Variants in ROR1 observed in about 807,000 individuals in gnomAD.
ROR1 encodes the protein inactive tyrosine-protein kinase transmembrane receptor ROR1.
A neutral mutation model predicts 78.8 loss-of-function variants in ROR1; 19 were observed. That is an observed-to-expected ratio of 0.24 (90% CI 0.17 to 0.35). The LOEUF is 0.35. Ranked by LOEUF, ROR1 falls within the 10% of genes least tolerant of loss-of-function variation. The pLI is 1.00. For synonymous variants in ROR1, 386 were observed against 433.6 expected (o/e 0.89, Z 1.36); for missense variants, 917 against 1,177.8 (o/e 0.78, Z 3.24).
At chr1:63,938,847 A>G (rs188245515) in intron 1 of ROR1, among the ~76,000 whole-genome samples, 95 of 152,184 alleles carry the variant, frequency 6.2e-4, no homozygotes, top group Admixed American at 5.6e-3. Context: ...AAACAAAATA[A>G]AACAAATAGG....
At chr1:63,945,508 A>G (rs180865497) in intron 1 of ROR1, among the ~76,000 whole-genome samples, 8 of 152,228 alleles carry the variant, frequency 5.3e-5, no homozygotes, top group South Asian at 4.2e-4. Flanking sequence ...GAGATGGCCT[A>G]TTTCTGGGGA....
intron 1 of ROR1, among the ~76,000 whole-genome samples, chr1:63,972,862 C>T (rs1012443133): frequency 2.0e-5 from 3 of 152,236 alleles, no homozygotes; most frequent in Admixed American, 2.0e-4. Flanking sequence ...ACTTACTATA[C>T]AGTTTCTTTA....
rs138097507 is a variant in ROR1, at chr1:64,072,364, A to G, written c.482+21648A>G. On this transcript the variant is annotated intron_variant, in intron 4 of 8. Transcript: ENST00000371079. ...TTTGAGGGCTCTGGACTAAGAGGAAAGAAGAACTCTGGTGCAGGGACCCAA... is the reference window on the plus strand; with the variant it reads ...TTTGAGGGCTCTGGACTAAGAGGAAGGAAGAACTCTGGTGCAGGGACCCAA... Among the ~76,000 whole-genome samples, 6 of 152,262 alleles carry G rather than the reference A, an allele frequency of 3.9e-5. No individual in the cohort carries two copies. The East Asian group carries it at 1.2e-3, about 29-fold the overall frequency.
intron 1 of ROR1, among the ~76,000 whole-genome samples, chr1:63,953,273 T>A (rs1645955216): frequency 6.6e-6 from 1 of 152,278 alleles, no homozygotes; most frequent in Non-Finnish European, 1.5e-5. Flanking sequence ...TCCTTGTCTA[T>A]AGAATAATAA....
chr1:63,914,476 C>T (rs2100420663), intron 1 of ROR1, among the ~76,000 whole-genome samples: 1 of 152,274 alleles, frequency 6.6e-6, no homozygotes, highest in Middle Eastern at 3.4e-3. Flanking sequence ...AGTATTTCAG[C>T]TCATGCCGGT....
intron 1 of ROR1, chr1:63,843,731 C>A (rs895481907): frequency 4.5e-6 from 2 of 444,354 alleles, no homozygotes; most frequent in Admixed American, 3.1e-5. Flanking sequence ...CCGCAGAAGA[C>A]AAGAGCACTG....
chr1:64,019,215 T>C (rs754477168), intron 2 of ROR1, among the ~76,000 whole-genome samples: 7 of 152,242 alleles, frequency 4.6e-5, no homozygotes, highest in Non-Finnish European at 1.0e-4. Flanking sequence ...CTTCATGATA[T>C]TCTAACAAGT....
intron 1 of ROR1, among the ~76,000 whole-genome samples, chr1:63,905,350 T>C (rs1645520064): frequency 6.6e-6 from 1 of 152,192 alleles, no homozygotes; most frequent in South Asian, 2.1e-4. Flanking sequence ...TTTTTTAATA[T>C]TCTCAAATGT....
At chr1:64,100,404 C>A (rs1422251234) in intron 4 of ROR1, among the ~76,000 whole-genome samples, 1 of 152,038 alleles carries the variant, frequency 6.6e-6, no homozygotes, top group African/African-American at 2.4e-5. Flanking sequence ...GGGAGGATCG[C>A]TTGAACCCAG....
rs375050243 is a variant in ROR1 at position 64,031,101 on chromosome 1, T to C, written c.164-18590T>C. Among the ~76,000 whole-genome samples the C allele has an allele frequency of 1.6e-4, 24 of 152,276 alleles. 1 individual carries two copies. Among genetic ancestry groups the C allele is most frequent in the African/African-American group, 4.6e-4 (19 of 41,552 alleles). The stretch of plus-strand genomic sequence containing the variant: ...CAGGCTGGTCCTGAACTCTTGGACT[T>C]GAGCAACCCGCCCGCCTCTGCCTCC... On this transcript the variant is annotated intron_variant, in intron 2 of 8. Coordinates refer to ENST00000371079, the MANE Select transcript of ROR1 (RefSeq NM_005012.4).
intron 1 of ROR1, among the ~76,000 whole-genome samples, chr1:63,784,143 A>G (rs551548782): frequency 1.9e-4 from 29 of 152,280 alleles, no homozygotes; most frequent in African/African-American, 6.7e-4. Flanking sequence ...AGGGCTTTGC[A>G]GCTTACAAAA....
intron 4 of ROR1, among the ~76,000 whole-genome samples, chr1:64,134,900 C>T (rs985941719): frequency 6.6e-6 from 1 of 151,970 alleles, no homozygotes; most frequent in Non-Finnish European, 1.5e-5. Flanking sequence ...AGGCACCTGC[C>T]ACCACACCCA....
chr1:63,847,564 G>A (rs558622630), intron 1 of ROR1, among the ~76,000 whole-genome samples: 1 of 152,236 alleles, frequency 6.6e-6, no homozygotes, highest in South Asian at 2.1e-4. Flanking sequence ...TGCCATGCTG[G>A]CGTCTCTGTG....
At chr1:63,963,351 TG>T (rs942341922) in intron 1 of ROR1, among the ~76,000 whole-genome samples, 7 of 131,492 alleles carry the variant, frequency 5.3e-5, no homozygotes, top group African/African-American at 7.8e-5. Context: ...GTGGATCACC[TG>T]AGGTCGGGAG....
At chr1:64,109,138 T>A (rs975635168) in intron 4 of ROR1, among the ~76,000 whole-genome samples, 1 of 152,142 alleles carries the variant, frequency 6.6e-6, no homozygotes, top group African/African-American at 2.4e-5. Context: ...CCTCTAGGTG[T>A]GTCTTACAGA....
chr1:64,036,251 C>G (rs1441862317), intron 2 of ROR1, among the ~76,000 whole-genome samples: 1 of 152,180 alleles, frequency 6.6e-6, no homozygotes, highest in East Asian at 1.9e-4. Context: ...TGCCATCCAT[C>G]CATCCATCCA....
chr1:64,027,558 T>C (rs1646623759), intron 2 of ROR1, among the ~76,000 whole-genome samples: 1 of 152,194 alleles, frequency 6.6e-6, no homozygotes, highest in Non-Finnish European at 1.5e-5. Flanking sequence ...GTATAATCGG[T>C]GTTTTGTGTC....
At chr1:63,792,592 T>G (rs993806667) in intron 1 of ROR1, among the ~76,000 whole-genome samples, 2 of 152,202 alleles carry the variant, frequency 1.3e-5, no homozygotes, top group Admixed American at 1.3e-4. Context: ...GTTTCCTGAT[T>G]TATAAAATGG....
At position 64,180,487 on chromosome 1, in the gene ROR1, G is replaced by T. The variant is rs1437038138; in HGVS notation, c.*1632G>T. On this transcript the variant is annotated 3_prime_UTR_variant, in exon 9 of 9. Coordinates refer to ENST00000371079, the MANE Select transcript of ROR1 (RefSeq NM_005012.4). ...GAAAATATGTTTACCAAAATGCATTGCAATTTTCCCAAACCTGAGTCTTCA... is the reference window on the plus strand; with the variant it reads ...GAAAATATGTTTACCAAAATGCATTTCAATTTTCCCAAACCTGAGTCTTCA... 1 of 152,176 alleles carries T rather than the reference G, an allele frequency of 6.6e-6. No homozygotes were observed. Among genetic ancestry groups the T allele is most frequent in the Non-Finnish European group, 1.5e-5 (1 of 68,004 alleles). 9.4% of individuals were successfully genotyped at this position (152,176 alleles called of 1,614,324 possible).
Sources: gnomAD v4.1 joint callset for allele counts (sites outside exome capture counted in the v4.1 genomes callset) on GRCh38, gnomAD v4.1.1 for gene constraint, MANE v1.5 for transcripts, NCBI Gene and HGNC (gene_info 2026-07-23, HGNC 2026-07-21) for gene names.